CSMD1: variants seen among roughly 807,000 people sequenced by gnomAD.
CSMD1 encodes CUB and Sushi multiple domains 1.
A neutral mutation model predicts 417.5 loss-of-function variants in CSMD1; 213 were observed. That is an observed-to-expected ratio of 0.51 (90% CI 0.46 to 0.57). CSMD1 has a LOEUF of 0.57. Ranked by LOEUF, CSMD1 falls within the 20% of genes least tolerant of loss-of-function variation. The pLI, the probability that CSMD1 is intolerant of heterozygous loss-of-function variation, is 0.00. For missense variants in CSMD1, 6,923 were observed against 4,529.7 expected (o/e 1.53, Z -15.17); for synonymous variants, 2,862 against 1,736.8 (o/e 1.65, Z -16.11).
chr8:4,333,229 G>A (rs1799976958), intron 3 of CSMD1, among the ~76,000 whole-genome samples: 1 of 152,096 alleles, frequency 6.6e-6, no homozygotes, highest in African/African-American at 2.4e-5. Context: ...GTCACACCCT[G>A]CCTAGTGACC....
chr8:3,628,599 G>T lies in CSMD1; in HGVS notation c.1010-11802C>A, dbSNP rs544717757. Among the ~76,000 whole-genome samples the T allele has an allele frequency of 2.6e-5, 4 of 152,310 alleles. No individual in the cohort carries two copies. The South Asian group carries it at 6.2e-4, about 24-fold the overall frequency. On this transcript the variant is annotated intron_variant, in intron 7 of 69. Coordinates refer to ENST00000635120, the MANE Select transcript of CSMD1 (RefSeq NM_033225.6). Reference sequence around the variant, plus strand: ...CCACTGGGCATCATGGCAAGTGCAGGGGGAGGAAGAGGGAGTGTCTCAGAG... The same window carrying T: ...CCACTGGGCATCATGGCAAGTGCAGTGGGAGGAAGAGGGAGTGTCTCAGAG...
intron 4 of CSMD1, among the ~76,000 whole-genome samples, chr8:4,016,865 T>A (rs1796547904): frequency 6.6e-6 from 1 of 152,160 alleles, no homozygotes; most frequent in Admixed American, 6.5e-5. Flanking sequence ...AACAGCAGTT[T>A]TAGTTGGGTA....
At chr8:3,534,694 T>C (rs1218127901) in intron 10 of CSMD1, among the ~76,000 whole-genome samples, 1 of 152,234 alleles carries the variant, frequency 6.6e-6, no homozygotes, top group African/African-American at 2.4e-5. Context: ...ACATCCTTTT[T>C]CATTCTTCTA....
chr8:4,128,072 C>G (rs972706465), intron 3 of CSMD1, among the ~76,000 whole-genome samples: 2 of 152,132 alleles, frequency 1.3e-5, no homozygotes, highest in Non-Finnish European at 2.9e-5. Context: ...TGGACAAGAC[C>G]TCAAAATGGT....
At chr8:3,940,497 CTGTGTGTGTGTGTGTG>C (rs34005059) in intron 5 of CSMD1, among the ~76,000 whole-genome samples, 5 of 144,952 alleles carry the variant, frequency 3.4e-5, no homozygotes, top group East Asian at 2.1e-4. Flanking sequence ...ATTATTTCCT[CTGTGTGTGTGTGTGTG>C]TGTGTGTGTG....
Position 4,907,719 on chromosome 8 carries a change from C to T in CSMD1, c.85+86613G>A, listed in dbSNP as rs969112199. Among the ~76,000 whole-genome samples the T allele has an allele frequency of 1.3e-4, 14 of 108,718 alleles. No individual in the cohort carries two copies. The South Asian group carries it at 1.8e-3, about 14-fold the overall frequency. 71.3% of individuals were successfully genotyped at this position (108,718 alleles called of 152,430 possible). ...GACCACAGGCACATGCCACTATCCCCGGCAATTTTTTTTTTTTTTCATTTT... is the reference window on the plus strand; with the variant it reads ...GACCACAGGCACATGCCACTATCCCTGGCAATTTTTTTTTTTTTTCATTTT... On this transcript the variant is annotated intron_variant, in intron 1 of 69. Coordinates refer to ENST00000635120, the MANE Select transcript of CSMD1 (RefSeq NM_033225.6).
chr8:3,808,026 T>G (rs1377055689), intron 5 of CSMD1, among the ~76,000 whole-genome samples: 4 of 152,232 alleles, frequency 2.6e-5, no homozygotes, highest in African/African-American at 9.6e-5. Context: ...TCTTGAGCTC[T>G]ATTTTTAAAT....
chr8:3,734,541 T>C (rs1039228901), intron 6 of CSMD1, among the ~76,000 whole-genome samples: 2 of 152,134 alleles, frequency 1.3e-5, no homozygotes, highest in African/African-American at 4.8e-5. Flanking sequence ...TGAAACCCTG[T>C]CTCTACTAAA....
intron 50 of CSMD1, among the ~76,000 whole-genome samples, chr8:3,039,188 G>A (rs1168001569): frequency 1.3e-5 from 2 of 148,696 alleles, no homozygotes; most frequent in Non-Finnish European, 2.9e-5. Context: ...CTAGATTCCT[G>A]CAGAGTGAAG....
At chr8:4,656,186 G>C (rs562506797) in intron 1 of CSMD1, among the ~76,000 whole-genome samples, 25 of 152,158 alleles carry the variant, frequency 1.6e-4, no homozygotes, top group African/African-American at 5.8e-4. Context: ...TAAGAACACT[G>C]AGGAAGGACT....
At chr8:3,560,717 T>A (rs1411219663) in intron 10 of CSMD1, among the ~76,000 whole-genome samples, 1 of 152,204 alleles carries the variant, frequency 6.6e-6, no homozygotes, top group Non-Finnish European at 1.5e-5. Context: ...TTGACATAAA[T>A]TAGTGGAACC....
chr8:4,129,072 C>G (rs1203041237), intron 3 of CSMD1, among the ~76,000 whole-genome samples: 1 of 43,944 alleles, frequency 2.3e-5, no homozygotes, highest in South Asian at 1.2e-3. Context: ...GAGAGTCCAA[C>G]TCAAAAAAAA....
chr8:3,647,350 A>T (rs1465811087), intron 7 of CSMD1, among the ~76,000 whole-genome samples: 1 of 150,636 alleles, frequency 6.6e-6, no homozygotes, highest in African/African-American at 2.5e-5. Context: ...TGGCAGAGAG[A>T]GAAATATCAC....
intron 68 of CSMD1, among the ~76,000 whole-genome samples, chr8:2,942,884 G>A (rs751716302): frequency 5.3e-5 from 8 of 152,092 alleles, no homozygotes; most frequent in Non-Finnish European, 8.8e-5. Context: ...CCTGACTTTC[G>A]TTTATAGTTA....
At position 4,352,182 on chromosome 8, in the gene CSMD1, T is replaced by C. The variant is rs1045716729; in HGVS notation, c.415+67771A>G. ...TATATTAAGTCCACTTAGGTTCTCA[T>C]TGCCTGGGATGAATAAGCAAGCCCC... is the stretch of plus-strand genomic sequence containing the variant. On this transcript the variant is annotated intron_variant, in intron 3 of 69. Transcript: ENST00000635120. 1.2e-4 allele frequency among the ~76,000 whole-genome samples: 19 copies of C among 152,270 alleles called. 1 individual carries two copies. The highest frequency in any genetic ancestry group is 4.6e-4 in the African/African-American group (19 of 41,546).
intron 3 of CSMD1, among the ~76,000 whole-genome samples, chr8:4,196,562 G>C (rs1263512838): frequency 1.3e-5 from 2 of 152,056 alleles, no homozygotes; most frequent in South Asian, 2.1e-4. Flanking sequence ...TTCATTTTTA[G>C]CCTCAAAAGA....
chr8:4,277,407 T>G (rs999620258), intron 3 of CSMD1, among the ~76,000 whole-genome samples: 7 of 152,138 alleles, frequency 4.6e-5, no homozygotes, highest in African/African-American at 1.7e-4. Flanking sequence ...CAGCCCCCAT[T>G]TCCCCATCAA....
chr8:3,690,944 C>T (rs1585081796), intron 7 of CSMD1, among the ~76,000 whole-genome samples: 1 of 152,010 alleles, frequency 6.6e-6, no homozygotes, highest in African/African-American at 2.4e-5. Context: ...AAGTAAAAGT[C>T]GGCCCCATGA....
intron 2 of CSMD1, among the ~76,000 whole-genome samples, chr8:4,544,535 A>T (rs1433524052): frequency 6.6e-6 from 1 of 152,152 alleles, no homozygotes; most frequent in East Asian, 1.9e-4. Context: ...ACTTTTAAAA[A>T]TTACTTATAA....
Sources: allele counts gnomAD v4.1 joint callset (sites outside exome capture counted in the v4.1 genomes callset), GRCh38; gene constraint gnomAD v4.1.1; transcripts MANE v1.5; gene names NCBI Gene and HGNC (gene_info 2026-07-23, HGNC 2026-07-21).